The following MICAL2 variants were observed in gnomAD, a reference collection of about 807,000 sequenced individuals.
MICAL2 encodes microtubule associated monooxygenase, calponin and LIM domain containing 2.
MICAL2 carries 77 observed loss-of-function variants against 127.3 expected under a neutral mutation model. The observed-to-expected ratio is 0.60, with a 90% CI of 0.50 to 0.73. The LOEUF (loss-of-function observed/expected upper bound fraction) is 0.73, where lower values mean the gene tolerates loss of function less well. Ranked by LOEUF, MICAL2 falls within the 30% of genes least tolerant of loss-of-function variation. MICAL2 has a pLI of 0.00. For missense variants in MICAL2, 1,351 were observed against 1,434.4 expected (o/e 0.94, Z 0.94); for synonymous variants, 570 against 551.1 (o/e 1.03, Z -0.48).
intron 1 of MICAL2, among the ~76,000 whole-genome samples, chr11:12,123,240 A>G (rs1440513653): frequency 6.6e-6 from 1 of 152,184 alleles, no homozygotes; most frequent in Non-Finnish European, 1.5e-5. Context: ...TCTTGCATAT[A>G]TATAAAAGTA....
intron 15 of MICAL2, among the ~76,000 whole-genome samples, chr11:12,232,175 C>G (rs1372429757): frequency 6.6e-6 from 1 of 152,156 alleles, no homozygotes; most frequent in African/African-American, 2.4e-5. Context: ...TGCTTGTTTT[C>G]TCAAAAGATG....
intron 26 of MICAL2, chr11:12,261,202 T>A (rs775783406): frequency 3.7e-4 from 362 of 985,390 alleles, no homozygotes; most frequent in Non-Finnish European, 4.2e-4. Context: ...GCATTGCCTG[T>A]GGACATCCTG....
chr11:12,289,594 G>T, downstream of MICAL2, among the ~76,000 whole-genome samples: 1 of 139,216 alleles, frequency 7.2e-6, no homozygotes, highest in African/African-American at 2.6e-5. Context: ...CTTGAGATGG[G>T]GTCTCACTTG....
downstream of MICAL2, among the ~76,000 whole-genome samples, chr11:12,287,842 C>T (rs1863845842): frequency 6.6e-6 from 1 of 152,188 alleles, no homozygotes; most frequent in Non-Finnish European, 1.5e-5. Context: ...TCCTCAGGCC[C>T]TGAGCGAGGG....
intron 21 of MICAL2, among the ~76,000 whole-genome samples, chr11:12,246,972 C>T (rs1409411699): frequency 6.6e-6 from 1 of 152,026 alleles, no homozygotes; most frequent in Non-Finnish European, 1.5e-5. Flanking sequence ...GTGGTGGGGA[C>T]CTGGAATGCT....
intron 24 of MICAL2, among the ~76,000 whole-genome samples, chr11:12,270,253 T>TA (rs1056654800): frequency 1.3e-5 from 2 of 152,196 alleles, no homozygotes; most frequent in African/African-American, 4.8e-5. Flanking sequence ...GAATCCCAGA[T>TA]ATCTACCTGT....
intron 29 of MICAL2, among the ~76,000 whole-genome samples, chr11:12,306,882 G>T (rs928299882): frequency 2.0e-5 from 3 of 152,266 alleles, no homozygotes; most frequent in Admixed American, 6.5e-5. Flanking sequence ...ATGAGATGGG[G>T]TTTAGTTTTT....
intron 8 of MICAL2, among the ~76,000 whole-genome samples, chr11:12,217,032 C>A (rs992475172): frequency 5.3e-5 from 8 of 152,174 alleles, no homozygotes; most frequent in African/African-American, 1.9e-4. Context: ...CGTGGCCTTG[C>A]GACTTCATGC....
At chr11:12,212,645 C>T (rs962417393) in intron 6 of MICAL2, among the ~76,000 whole-genome samples, 1 of 151,880 alleles carries the variant, frequency 6.6e-6, no homozygotes, top group Non-Finnish European at 1.5e-5. Flanking sequence ...CCACCCTACT[C>T]CAGTATGACC....
intron 12 of MICAL2, among the ~76,000 whole-genome samples, chr11:12,224,094 G>A (rs949930206): frequency 6.6e-6 from 1 of 152,118 alleles, no homozygotes; most frequent in Non-Finnish European, 1.5e-5. Context: ...CCCCACTGCT[G>A]TAATAAACCA....
At chr11:12,348,004 C>T (rs1589922340) in intron 32 of MICAL2, among the ~76,000 whole-genome samples, 1 of 151,890 alleles carries the variant, frequency 6.6e-6, no homozygotes. Flanking sequence ...AAATACAAAA[C>T]TTAGCTAGGT....
At chr11:12,260,284 A>T (rs976377758) in intron 26 of MICAL2, 47 of 1,428,572 alleles carry the variant, frequency 3.3e-5, no homozygotes, top group Non-Finnish European at 4.3e-5. Context: ...CTAAGCAATT[A>T]GCTCAAAGCC....
At chr11:12,201,678 T>C (rs1854009621) in intron 3 of MICAL2, among the ~76,000 whole-genome samples, 1 of 152,212 alleles carries the variant, frequency 6.6e-6, no homozygotes, top group South Asian at 2.1e-4. Context: ...TCCTAGGTCA[T>C]TGTGGGGAAG....
chr11:12,175,999 C>G (rs897244535), intron 3 of MICAL2, among the ~76,000 whole-genome samples: 4 of 152,154 alleles, frequency 2.6e-5, no homozygotes, highest in Admixed American at 2.6e-4. Flanking sequence ...AGTGACATGA[C>G]TTCCTCAGGT....
intron 29 of MICAL2, among the ~76,000 whole-genome samples, chr11:12,301,972 C>T (rs532954778): frequency 1.3e-5 from 2 of 152,284 alleles, no homozygotes; most frequent in South Asian, 2.1e-4. Context: ...GTTCTGAGAA[C>T]AAGTGACAGT....
At chr11:12,223,149 G>A (rs1857018415) in intron 11 of MICAL2, among the ~76,000 whole-genome samples, 2 of 152,150 alleles carry the variant, frequency 1.3e-5, no homozygotes, top group African/African-American at 4.8e-5. Flanking sequence ...ACAGAAAATT[G>A]TGTGAATTTT....
intron 15 of MICAL2, among the ~76,000 whole-genome samples, chr11:12,229,341 C>T (rs1857896952): frequency 6.6e-6 from 1 of 152,228 alleles, no homozygotes. Context: ...AGCCTCTCTC[C>T]CACTCTGAGC....
chr11:12,115,453 T>C (rs562656841), intron 1 of MICAL2, among the ~76,000 whole-genome samples: 1 of 152,334 alleles, frequency 6.6e-6, no homozygotes, highest in East Asian at 1.9e-4. Flanking sequence ...TTTTCTTTTT[T>C]TCCTTTTTAA....
intron 29 of MICAL2, among the ~76,000 whole-genome samples, chr11:12,306,870 A>G (rs1864116559): frequency 6.6e-6 from 1 of 152,236 alleles, no homozygotes; most frequent in Non-Finnish European, 1.5e-5. Context: ...CAGTTGATAG[A>G]CATGAGATGG....
Sources: allele counts gnomAD v4.1 joint callset (sites outside exome capture counted in the v4.1 genomes callset), GRCh38; gene constraint gnomAD v4.1.1; transcripts MANE v1.5; gene names NCBI Gene and HGNC (gene_info 2026-07-23, HGNC 2026-07-21).